ABHD14A: variants seen among roughly 807,000 people sequenced by gnomAD.
ABHD14A encodes the protein protein ABHD14A.
A neutral mutation model predicts 27.0 loss-of-function variants in ABHD14A; 19 were observed. The observed-to-expected ratio is 0.70, with a 90% CI of 0.49 to 1.03. The LOEUF is 1.03. ABHD14A is among the 50% of genes least tolerant of loss of function. The pLI, the probability that ABHD14A is intolerant of heterozygous loss-of-function variation, is 0.00. For missense variants in ABHD14A, 311 were observed against 344.6 expected (o/e 0.90, Z 0.77); for synonymous variants, 148 against 158.8 (o/e 0.93, Z 0.51).
intron 3 of ABHD14A, 114 bp from the exon 4 acceptor site, chr3:51,980,279 T>C: frequency 1.1e-6 from 1 of 904,856 alleles, no homozygotes; most frequent in Non-Finnish European, 1.8e-6. Flanking sequence ...CTGGGCAGTT[T>C]TAGGTAGTGT....
At position 51,975,156 on chromosome 3, in the gene ABHD14A, C is replaced by A. The variant is rs1421544852; in HGVS notation, c.21C>A (p.Gly7=). Residue 7 remains glycine, a synonymous_variant, in exon 1 of 5, where the codon GGC becomes GGA. Coordinates refer to ENST00000273596, the MANE Select transcript of ABHD14A (RefSeq NM_015407.5). MVGALC[G]CWFRLGGARP... Reference sequence around the variant, plus strand: ...CAGCCATGGTCGGGGCGCTGTGCGGCTGCTGGTTCCGCCTGGGCGGGGCCC... The same window carrying A: ...CAGCCATGGTCGGGGCGCTGTGCGGATGCTGGTTCCGCCTGGGCGGGGCCC... The A allele has an allele frequency of 3.1e-6, 4 of 1,287,164 alleles. No individual in the cohort carries two copies. Among genetic ancestry groups the A allele is most frequent in the African/African-American group, 3.1e-5 (2 of 64,716 alleles). The allele number at this position is 1,287,164 out of a possible 1,614,324, so 79.7% of individuals were successfully genotyped here. A position where few individuals can be genotyped will look rare whatever the true frequency, so the allele number is the denominator to read the frequency against.
At chr3:51,977,186 G>T (rs147413869) in intron 1 of ABHD14A, among the ~76,000 whole-genome samples, 2 of 152,306 alleles carry the variant, frequency 1.3e-5, no homozygotes, top group Non-Finnish European at 2.9e-5. Context: ...TGTAAAACGC[G>T]TTCTGATTTT....
chr3:51,978,509 A>G (rs574530956), intron 3 of ABHD14A, 135 bp downstream of exon 3: 32 of 551,304 alleles, frequency 5.8e-5, no homozygotes, highest in Admixed American at 1.4e-4. Context: ...TTCATTTTCT[A>G]CTATGAAAAC....
In ABHD14A at chr3:51,980,406, G is replaced by C; in HGVS notation, c.411G>C (p.Ser137=). 1 of 1,613,932 alleles carries C rather than the reference G, an allele frequency of 6.2e-7. No individual in the cohort carries two copies. The highest frequency in any genetic ancestry group is 1.6e-4 in the Middle Eastern group (1 of 6,062). Residue 137 remains serine (S), a synonymous_variant, in exon 4 of 5, where the codon TCG becomes TCC. Coordinates refer to ENST00000273596, the MANE Select transcript of ABHD14A (RefSeq NM_015407.5). The part of the protein sequence containing the change: ...VALDLPGFGN[S]APSKEASTEA... ...TGCTGTTCCTAGGTTTTGGGAACTC[G>C]GCACCTTCAAAGGAGGCAAGCACAG...
chr3:51,981,162 A>G lies in ABHD14A; in HGVS notation c.*144A>G. The G allele has an allele frequency of 1.2e-6, 1 of 851,804 alleles. No individual in the cohort carries two copies. The highest frequency in any genetic ancestry group is 1.9e-5 in the South Asian group (1 of 53,638). The allele number at this position is 851,804 out of a possible 1,614,324, so 52.8% of individuals were successfully genotyped here. A position where few individuals can be genotyped will look rare whatever the true frequency, so the allele number is the denominator to read the frequency against. On this transcript the variant is annotated 3_prime_UTR_variant, in exon 5 of 5. Coordinates refer to ENST00000273596, the MANE Select transcript of ABHD14A (RefSeq NM_015407.5). ...CAGGACTCCTCATTTCATCTCACAG[A>G]CACAATAAAAAAGCATATTTGTCCT... is the stretch of plus-strand genomic sequence containing the variant.
chr3:51,978,872 G>A, intron 3 of ABHD14A: 1 of 284,816 alleles, frequency 3.5e-6, no homozygotes, highest in Non-Finnish European at 7.6e-6. Flanking sequence ...GATTACAGGT[G>A]TGAGCCACTG....
intron 1 of ABHD14A, among the ~76,000 whole-genome samples, chr3:51,976,823 CG>C (rs1217971757): frequency 2.0e-5 from 3 of 152,164 alleles, no homozygotes; most frequent in African/African-American, 4.8e-5. Flanking sequence ...AGGGCAGCCA[CG>C]AGGTTATCCC....
chr3:51,980,677 G>A lies in ABHD14A; in HGVS notation c.633+49G>A, dbSNP rs377621529. ...GTCCTGGCACCCTGTCTGTGGCTTG[G>A]GGGGGTTCAGGACTCAAGTCTTACT... On this transcript the variant is annotated intron_variant, in intron 4 of 4. Coordinates refer to ENST00000273596, the MANE Select transcript of ABHD14A (RefSeq NM_015407.5). 6 of 1,585,788 alleles carry A rather than the reference G, an allele frequency of 3.8e-6. No homozygotes were observed. The South Asian group carries it at 4.6e-5, about 12-fold the overall frequency.
In ABHD14A at chr3:51,981,024, C is replaced by T. The variant is rs901839638; in HGVS notation, c.*6C>T. On this transcript the variant is annotated 3_prime_UTR_variant, in exon 5 of 5. Coordinates refer to ENST00000273596, the MANE Select transcript of ABHD14A (RefSeq NM_015407.5). ...TCCTTGACCATCTACCTTGAACTAA[C>T]CCACTCCCAGCTCCCAGCCTGGCAT... 6.2e-6 allele frequency: 10 copies of T among 1,602,226 alleles called. No individual in the cohort carries two copies. Among genetic ancestry groups the T allele is most frequent in the African/African-American group, 5.4e-5 (4 of 74,738 alleles).
chr3:51,980,626 A>G lies in ABHD14A; in HGVS notation c.631A>G (p.Lys211Glu). The G allele has an allele frequency of 6.2e-7, 1 of 1,613,114 alleles. No homozygotes were observed. The highest frequency in any genetic ancestry group is 1.1e-5 in the South Asian group (1 of 91,034). ...CACCCAGGAGCAATTCTGGGCTGTG[A>G]AGGTACTGGGAGAAGGATCTCAAAG... ...NYTQEQFWAVKTPTLILYGEL... is the reference protein window; with the variant it reads ...NYTQEQFWAVETPTLILYGEL... Residue 211 changes from lysine (K) to glutamate (E), a missense_variant and splice_region_variant, in exon 4 of 5, where the codon AAG becomes GAG. Coordinates refer to ENST00000273596, the MANE Select transcript of ABHD14A (RefSeq NM_015407.5).
intron 4 of ABHD14A, 77 bp downstream of exon 4, chr3:51,980,705 G>A: frequency 3.8e-6 from 6 of 1,561,874 alleles, no homozygotes; most frequent in Non-Finnish European, 4.4e-6. Context: ...GTCTTACTTG[G>A]AGGGACATGG....
chr3:51,980,749 G>A (rs1402240336), intron 4 of ABHD14A, 87 bp from the exon 5 acceptor site: 2 of 1,561,406 alleles, frequency 1.3e-6, no homozygotes, highest in Admixed American at 1.7e-5. Flanking sequence ...AGAGTTGGAT[G>A]GTGTTGGGGA....
Position 51,980,560 on chromosome 3 carries a change from C to T in ABHD14A, c.565C>T (p.His189Tyr), listed in dbSNP as rs371733964. 6.8e-6 allele frequency: 11 copies of T among 1,614,122 alleles called. No homozygotes were observed. Among genetic ancestry groups the T allele is most frequent in the Non-Finnish European group, 9.3e-6 (11 of 1,180,036 alleles). Residue 189 changes from histidine (H) to tyrosine (Y), a missense_variant, in exon 4 of 5, where the codon CAT becomes TAT. Coordinates refer to ENST00000273596, the MANE Select transcript of ABHD14A (RefSeq NM_015407.5). ...CCTGATGCGAGGCCACCACCAGCTA[C>T]ATGGATTTGTGCCCATCGCACCCAC... Reference protein sequence around the residue: ...PFLMRGHHQLHGFVPIAPTST... With the variant: ...PFLMRGHHQLYGFVPIAPTST...
At chr3:51,976,313 C>T (rs1222692703) in intron 1 of ABHD14A, among the ~76,000 whole-genome samples, 3 of 152,226 alleles carry the variant, frequency 2.0e-5, no homozygotes, top group African/African-American at 7.2e-5. Flanking sequence ...CAAAACATCC[C>T]GGAGGGATGA....
In ABHD14A at chr3:51,980,922, T is replaced by C; in HGVS notation, c.720T>C (p.Ser240=). The C allele has an allele frequency of 1.2e-6, 2 of 1,614,188 alleles. No homozygotes were observed. The highest frequency in any genetic ancestry group is 1.7e-6 in the Non-Finnish European group (2 of 1,180,032). The stretch of plus-strand genomic sequence containing the variant: ...AGCTCCGCCACCTGCCCAACCACTC[T>C]GTGGTGAAGCTACGCAATGCAGGCC... ...LRQLRHLPNH[S]VVKLRNAGHA... Residue 240 remains serine (S), a synonymous_variant, in exon 5 of 5, where the codon TCT becomes TCC. Coordinates refer to ENST00000273596, the MANE Select transcript of ABHD14A (RefSeq NM_015407.5).
At chr3:51,980,785 G>C (rs768902125) in intron 4 of ABHD14A, 51 bp from the exon 5 acceptor site, 7 of 1,590,614 alleles carry the variant, frequency 4.4e-6, no homozygotes, top group Non-Finnish European at 6.0e-6. Flanking sequence ...TGGCTTGGGG[G>C]TCAGAAACTC....
intron 1 of ABHD14A, among the ~76,000 whole-genome samples, chr3:51,976,715 C>T (rs1396942845): frequency 2.6e-5 from 4 of 152,130 alleles, no homozygotes; most frequent in Admixed American, 1.3e-4. Flanking sequence ...TGCTGGACTC[C>T]TGGAAGGAAG....
intron 3 of ABHD14A, among the ~76,000 whole-genome samples, chr3:51,979,912 T>C (rs773621236): frequency 4.6e-5 from 7 of 152,090 alleles, no homozygotes; most frequent in Non-Finnish European, 8.8e-5. Context: ...CTGGGTATTA[T>C]TTATTTTTTA....
intron 1 of ABHD14A, among the ~76,000 whole-genome samples, chr3:51,977,242 GC>G (rs1360652365): frequency 6.6e-6 from 1 of 152,172 alleles, no homozygotes; most frequent in African/African-American, 2.4e-5. Flanking sequence ...TTCCAAACAT[GC>G]CCTTAAGTGG....
Sources: allele counts gnomAD v4.1 joint callset (sites outside exome capture counted in the v4.1 genomes callset), GRCh38; gene constraint gnomAD v4.1.1; transcripts MANE v1.5; gene names NCBI Gene and HGNC (gene_info 2026-07-23, HGNC 2026-07-21).